The following KCNIP4 variants were observed in gnomAD, a reference collection of about 807,000 sequenced individuals.
The protein encoded by KCNIP4 is Kv channel-interacting protein 4.
Under a neutral mutation model 34.0 loss-of-function variants are expected in KCNIP4, and 12 were observed. The observed-to-expected ratio is 0.35, with a 90% CI of 0.23 to 0.57. The LOEUF (loss-of-function observed/expected upper bound fraction) is 0.57. KCNIP4 is among the 20% of genes least tolerant of loss of function. The probability of loss-of-function intolerance (pLI) is 0.83; values close to 1 mark genes in which losing one functional copy is unlikely to be tolerated. For synonymous variants in KCNIP4, 124 were observed against 102.2 expected (o/e 1.21, Z -1.29); for missense variants, 238 against 311.7 (o/e 0.76, Z 1.78).
Position 20,882,760 on chromosome 4 carries a change from G to A in KCNIP4, c.62-51C>T, listed in dbSNP as rs777436439. 15 of 1,428,110 alleles carry A rather than the reference G, an allele frequency of 1.1e-5. 1 individual carries two copies. 88.5% of individuals were successfully genotyped at this position (1,428,110 alleles called of 1,614,324 possible). A position where few individuals can be genotyped will look rare whatever the true frequency, so the allele number is the denominator to read the frequency against. On this transcript the variant is annotated intron_variant, in intron 1 of 8. Transcript: ENST00000382152. ...TAATGCTGTCTGCAGAGAGAAAAGG[G>A]ACGTGCTGCAGGGTTTATCAGAGAA...
rs536506036 is a variant in KCNIP4 at position 20,760,502 on chromosome 4, A to G, written c.289-1612T>C. Among the ~76,000 whole-genome samples, 27 of 152,164 alleles carry G rather than the reference A, an allele frequency of 1.8e-4. 1 individual carries two copies. Among genetic ancestry groups the G allele is most frequent in the Admixed American group, 9.8e-4 (15 of 15,268 alleles). ...ATGTGCTTCACCTGCAGAATTTTCT[A>G]TTTTCTCATTTGTTGTTTTGAAAGG... On this transcript the variant is annotated intron_variant, in intron 3 of 8. Coordinates refer to ENST00000382152, the MANE Select transcript of KCNIP4 (RefSeq NM_025221.6).
intron 1 of KCNIP4, among the ~76,000 whole-genome samples, chr4:21,362,892 C>A (rs2109411797): frequency 6.6e-6 from 1 of 152,244 alleles, no homozygotes; most frequent in African/African-American, 2.4e-5. Flanking sequence ...AGGAGAACTA[C>A]AATGGAGTGA....
chr4:21,828,854 A>C (rs973528643), intron 1 of KCNIP4, among the ~76,000 whole-genome samples: 4 of 152,126 alleles, frequency 2.6e-5, no homozygotes, highest in Non-Finnish European at 4.4e-5. Context: ...AAATAATAAC[A>C]AATATTTTTA....
chr4:21,457,880 T>C (rs556225323), intron 1 of KCNIP4, among the ~76,000 whole-genome samples: 1 of 152,112 alleles, frequency 6.6e-6, no homozygotes, highest in African/African-American at 2.4e-5. Context: ...CATACAAAAA[T>C]AATCTCTAAT....
chr4:21,451,229 C>T lies in KCNIP4; in HGVS notation c.61+497342G>A, dbSNP rs117729503. ...ATTGCCATTCCTGAGTAATGAGCAA[C>T]GAGATCTCTTTCCCATCTGGCATTT... On this transcript the variant is annotated intron_variant, in intron 1 of 8. Transcript: ENST00000382152. Among the ~76,000 whole-genome samples the T allele has an allele frequency of 2.3e-3, 347 of 152,156 alleles. 3 individuals carry two copies. Among genetic ancestry groups the T allele is most frequent in the African/African-American group, 7.3e-3 (301 of 41,484 alleles).
intron 1 of KCNIP4, among the ~76,000 whole-genome samples, chr4:21,607,514 A>C (rs980887664): frequency 6.6e-6 from 1 of 151,974 alleles, no homozygotes; most frequent in African/African-American, 2.4e-5. Flanking sequence ...AAAGTGAATG[A>C]ATGGCTCAGG....
intron 1 of KCNIP4, among the ~76,000 whole-genome samples, chr4:21,169,087 T>C (rs1413615817): frequency 1.3e-5 from 2 of 152,216 alleles, no homozygotes; most frequent in Non-Finnish European, 2.9e-5. Flanking sequence ...TTGATGTACG[T>C]GCATGTTAAG....
At chr4:21,875,068 G>T (rs1560779854) in intron 1 of KCNIP4, among the ~76,000 whole-genome samples, 1 of 152,162 alleles carries the variant, frequency 6.6e-6, no homozygotes, top group Non-Finnish European at 1.5e-5. Flanking sequence ...CTATAAGTCT[G>T]TGTTTTATAT....
Position 21,836,987 on chromosome 4 carries a change from G to C in KCNIP4, c.61+111584C>G, listed in dbSNP as rs112155347. Among the ~76,000 whole-genome samples, 4 of 145,928 alleles carry C rather than the reference G, an allele frequency of 2.7e-5. No individual in the cohort carries two copies. In the South Asian group the frequency reaches 6.4e-4, roughly 23 times the overall value. ...GGCTGGAATGCAGTGGCACGATCTC[G>C]GCTCACTGCAAGCTCTGCCTCCCGG... On this transcript the variant is annotated intron_variant, in intron 1 of 8. Coordinates refer to ENST00000382152, the MANE Select transcript of KCNIP4 (RefSeq NM_025221.6).
At chr4:21,626,772 T>C (rs1002007859) in intron 1 of KCNIP4, among the ~76,000 whole-genome samples, 1 of 152,082 alleles carries the variant, frequency 6.6e-6, no homozygotes, top group Non-Finnish European at 1.5e-5. Flanking sequence ...GGGAGTCATA[T>C]GGGTTCTTTT....
chr4:21,113,311 G>A (rs1749389090), intron 1 of KCNIP4, among the ~76,000 whole-genome samples: 1 of 152,174 alleles, frequency 6.6e-6, no homozygotes, highest in East Asian at 1.9e-4. Flanking sequence ...ATTCAGCTGA[G>A]GCAAACAGCA....
At chr4:21,664,173 T>C (rs931387802) in intron 1 of KCNIP4, among the ~76,000 whole-genome samples, 15 of 152,214 alleles carry the variant, frequency 9.9e-5, no homozygotes, top group Non-Finnish European at 1.8e-4. Context: ...GGTCTTGAAC[T>C]CCTTGCCTCA....
At chr4:20,732,886 C>T (rs1051437000) in intron 6 of KCNIP4, 101 bp from the exon 7 acceptor site, 1 of 717,140 alleles carries the variant, frequency 1.4e-6, no homozygotes, top group African/African-American at 1.8e-5. Flanking sequence ...AAATTTTTGA[C>T]TTTTTGTTTG....
chr4:21,938,447 C>A (rs1464183284), intron 1 of KCNIP4, among the ~76,000 whole-genome samples: 1 of 152,156 alleles, frequency 6.6e-6, no homozygotes, highest in Non-Finnish European at 1.5e-5. Flanking sequence ...GGGAAGCCCC[C>A]ATGATATGAA....
At chr4:21,307,049 C>T (rs1001538765) in intron 1 of KCNIP4, among the ~76,000 whole-genome samples, 4 of 151,938 alleles carry the variant, frequency 2.6e-5, no homozygotes, top group East Asian at 1.9e-4. Flanking sequence ...TTTGAACTCC[C>T]GACATCAGGT....
At chr4:20,763,407 CTT>C (rs1029706412) in intron 3 of KCNIP4, among the ~76,000 whole-genome samples, 5 of 152,146 alleles carry the variant, frequency 3.3e-5, no homozygotes, top group East Asian at 1.9e-4. Flanking sequence ...GATTTGGTGA[CTT>C]TAACATATGG....
intron 1 of KCNIP4, among the ~76,000 whole-genome samples, chr4:21,519,707 TATGTGTATATATACACAC>T (rs1560480807): frequency 7.1e-6 from 1 of 140,238 alleles, no homozygotes; most frequent in East Asian, 2.2e-4. Flanking sequence ...TGTGTGTATG[TATGTGTATATATACACAC>T]GTGTGTATAT....
At chr4:21,573,362 T>A (rs1740497778) in intron 1 of KCNIP4, among the ~76,000 whole-genome samples, 1 of 152,120 alleles carries the variant, frequency 6.6e-6, no homozygotes, top group South Asian at 2.1e-4. Context: ...TCTCCCTAAT[T>A]TTCTGTTTTC....
chr4:21,471,719 G>T (rs1395914325), intron 1 of KCNIP4, among the ~76,000 whole-genome samples: 5 of 152,104 alleles, frequency 3.3e-5, no homozygotes, highest in Admixed American at 3.3e-4. Flanking sequence ...CCATTTCACA[G>T]GTGAGGAAAC....
Sources: allele counts gnomAD v4.1 joint callset (sites outside exome capture counted in the v4.1 genomes callset), GRCh38; gene constraint gnomAD v4.1.1; transcripts MANE v1.5; gene names NCBI Gene and HGNC (gene_info 2026-07-23, HGNC 2026-07-21).